SARNP: variants seen among roughly 807,000 people sequenced by gnomAD.
SARNP encodes the protein SAP domain-containing ribonucleoprotein.
A neutral mutation model predicts 38.1 loss-of-function variants in SARNP; 5 were observed. That is an observed-to-expected ratio of 0.13 (90% CI 0.07 to 0.28). The LOEUF (loss-of-function observed/expected upper bound fraction) is 0.28. Ranked by LOEUF, SARNP falls within the 10% of genes least tolerant of loss-of-function variation. The pLI, the probability that SARNP is intolerant of heterozygous loss-of-function variation, is 1.00. For synonymous variants in SARNP, 84 were observed against 80.6 expected (o/e 1.04, Z -0.23); for missense variants, 180 against 243.9 (o/e 0.74, Z 1.75).
intron 10 of SARNP, among the ~76,000 whole-genome samples, chr12:55,758,569 C>T (rs1878582456): frequency 6.6e-6 from 1 of 151,984 alleles, no homozygotes; most frequent in Non-Finnish European, 1.5e-5. Context: ...CACTTGAACC[C>T]GGGAGGCGGA....
At chr12:55,772,909 T>G (rs1879053611) in intron 9 of SARNP, among the ~76,000 whole-genome samples, 1 of 152,090 alleles carries the variant, frequency 6.6e-6, no homozygotes, top group African/African-American at 2.4e-5. Context: ...GAGACAGGGT[T>G]TCTCCATGTT....
intron 8 of SARNP, among the ~76,000 whole-genome samples, chr12:55,789,943 C>CAAAAAAAA (rs1158181574): frequency 2.2e-5 from 1 of 45,774 alleles, no homozygotes; most frequent in Admixed American, 2.3e-4. Flanking sequence ...AACTCCGTCT[C>CAAAAAAAA]AAAAAAAAAA....
chr12:55,788,819 G>A (rs926092760), intron 9 of SARNP, among the ~76,000 whole-genome samples: 24 of 152,060 alleles, frequency 1.6e-4, no homozygotes, highest in African/African-American at 5.6e-4. Flanking sequence ...AAGAAAGAAA[G>A]AAAAGAAATG....
intron 8 of SARNP, 124 bp from the exon 9 acceptor site, chr12:55,789,267 CA>C: frequency 1.6e-6 from 1 of 628,542 alleles, no homozygotes; most frequent in East Asian, 2.9e-5. Context: ...ACCCTATGAG[CA>C]AAATAAGAAA....
At position 55,803,677 on chromosome 12, in the gene SARNP, T is replaced by A; in HGVS notation, c.88A>T (p.Ile30Leu). Residue 30 changes from isoleucine (I) to leucine (L), a missense_variant, in exon 2 of 11, where the codon ATA (isoleucine) becomes TTA (leucine). This residue lies in a region of SARNP where 161 missense variants were observed against 194.1 expected (regional missense o/e 0.83). Coordinates refer to ENST00000336133, the MANE Select transcript of SARNP (RefSeq NM_033082.4). ...CLARGLETKG[I>L]KQDLIHRLQA... ...AGTCTGTGGATAAGATCTTGCTTTA[T>A]TCCCTTGGTCTCCAAACCACGAGCA... 6.2e-7 allele frequency: 1 copy of A among 1,613,720 alleles called. No homozygotes were observed. Among genetic ancestry groups the A allele is most frequent in the Middle Eastern group, 1.6e-4 (1 of 6,062 alleles).
At chr12:55,802,634 T>TAC (rs1565681932) in intron 2 of SARNP, among the ~76,000 whole-genome samples, 1 of 151,850 alleles carries the variant, frequency 6.6e-6, no homozygotes, top group Non-Finnish European at 1.5e-5. Context: ...ATTATATATA[T>TAC]ACACAAATAT....
chr12:55,807,638 T>C (rs1350305418), intron 1 of SARNP, among the ~76,000 whole-genome samples: 1 of 106,066 alleles, frequency 9.4e-6, no homozygotes, highest in Non-Finnish European at 2.0e-5. Flanking sequence ...CCGTCTCTAC[T>C]AAAAATACAA....
chr12:55,805,629 C>T (rs1256757206), intron 1 of SARNP, among the ~76,000 whole-genome samples: 3 of 152,150 alleles, frequency 2.0e-5, no homozygotes, highest in African/African-American at 7.2e-5. Flanking sequence ...GGCAGATCAA[C>T]TGAAGTCAGG....
chr12:55,777,752 AAAAGTATG>A (rs1310058977), intron 9 of SARNP, among the ~76,000 whole-genome samples: 1 of 152,136 alleles, frequency 6.6e-6, no homozygotes, highest in Admixed American at 6.6e-5. Context: ...TGGCTACGTA[AAAAGTATG>A]TGTTGGAGGA....
chr12:55,813,022 T>C (rs949065305), intron 1 of SARNP, among the ~76,000 whole-genome samples: 8 of 152,136 alleles, frequency 5.3e-5, no homozygotes, highest in East Asian at 1.9e-4. Flanking sequence ...TCTCGGCTCC[T>C]GCAACCTCCG....
At chr12:55,790,744 T>G in intron 7 of SARNP, 152 bp from the exon 8 acceptor site, 1 of 736,882 alleles carries the variant, frequency 1.4e-6, no homozygotes, top group South Asian at 2.8e-5. Flanking sequence ...CTGCATTCAC[T>G]GCTAGCAGGA....
chr12:55,772,625 T>C (rs751143156), intron 9 of SARNP, among the ~76,000 whole-genome samples: 2 of 152,036 alleles, frequency 1.3e-5, no homozygotes, highest in African/African-American at 2.4e-5. Context: ...ATCTCCCTCC[T>C]TTAAAAGCCA....
chr12:55,775,249 A>AT (rs920073034), intron 9 of SARNP, among the ~76,000 whole-genome samples: 4 of 150,394 alleles, frequency 2.7e-5, no homozygotes, highest in African/African-American at 9.7e-5. Context: ...ATTAAAAAAA[A>AT]AAAAAAAAAA....
rs1226262347 is a variant in SARNP at position 55,801,633 on chromosome 12, T to G, written c.137-733A>C. Among the ~76,000 whole-genome samples, 6 of 152,294 alleles carry G rather than the reference T, an allele frequency of 3.9e-5. No individual in the cohort carries two copies. In the East Asian group the frequency reaches 7.7e-4, roughly 20 times the overall value. ...AGACAAATGACAAGACATTTGTTTT[T>G]GTTGAGACAGAGTCTTACTCTGTCG... On this transcript the variant is annotated intron_variant, in intron 2 of 10. Transcript: ENST00000336133.
chr12:55,791,887 T>A (rs1879681057), intron 7 of SARNP, among the ~76,000 whole-genome samples: 1 of 152,232 alleles, frequency 6.6e-6, no homozygotes, highest in African/African-American at 2.4e-5. Flanking sequence ...ACTCTATAGT[T>A]CTAAGATGTC....
chr12:55,791,211 T>C (rs2136195238), intron 7 of SARNP, among the ~76,000 whole-genome samples: 1 of 152,348 alleles, frequency 6.6e-6, no homozygotes, highest in Non-Finnish European at 1.5e-5. Flanking sequence ...TATCTACTAA[T>C]GGGCACAGAC....
At chr12:55,815,448 C>CA (rs1880452988) in intron 1 of SARNP, among the ~76,000 whole-genome samples, 2 of 152,076 alleles carry the variant, frequency 1.3e-5, no homozygotes, top group Non-Finnish European at 2.9e-5. Context: ...AAATCAGAAT[C>CA]AAAGGCATGA....
intron 9 of SARNP, among the ~76,000 whole-genome samples, chr12:55,773,056 G>C (rs1270431155): frequency 3.3e-5 from 5 of 152,160 alleles, no homozygotes; most frequent in African/African-American, 9.7e-5. Flanking sequence ...TGCTGTCTTA[G>C]CCAAAACATA....
At chr12:55,764,465 A>T (rs1229896318) in intron 9 of SARNP, among the ~76,000 whole-genome samples, 1 of 146,866 alleles carries the variant, frequency 6.8e-6, no homozygotes, top group Non-Finnish European at 1.5e-5. Flanking sequence ...CGGGAGGTGG[A>T]GGTTGCGGTG....
Sources: gnomAD v4.1 joint callset for allele counts (sites outside exome capture counted in the v4.1 genomes callset) on GRCh38, gnomAD v4.1.1 for gene constraint, gnomAD v4.1.1 regional missense constraint, MANE v1.5 for transcripts, NCBI Gene and HGNC (gene_info 2026-07-23, HGNC 2026-07-21) for gene names.